POLN: variants seen among roughly 807,000 people sequenced by gnomAD.
POLN encodes the protein DNA polymerase N.
In POLN, 108 loss-of-function variants were observed where a neutral mutation model predicts 113.5. The ratio of observed to expected loss-of-function variants is 0.95; its 90% CI spans 0.81 to 1.12. The LOEUF is 1.12. Ranked by LOEUF, POLN falls within the 50% of genes most tolerant of loss-of-function variation. POLN has a pLI of 0.00. For missense variants in POLN, 1,097 were observed against 1,077.1 expected (o/e 1.02, Z -0.26); for synonymous variants, 386 against 391.5 (o/e 0.99, Z 0.17).
intron 16 of POLN, among the ~76,000 whole-genome samples, chr4:2,148,671 CCAA>C (rs1266248637): frequency 7.0e-6 from 1 of 141,850 alleles, no homozygotes; most frequent in African/African-American, 2.9e-5. Flanking sequence ...TGTCCCCCCC[CCAA>C]AAAAAAAAAG....
intron 7 of POLN, 95 bp from the exon 8 acceptor site, chr4:2,179,560 G>A: frequency 8.4e-7 from 1 of 1,194,186 alleles, no homozygotes; most frequent in Non-Finnish European, 1.2e-6. Context: ...AATAGTAGTA[G>A]TATTGTCATC....
intron 19 of POLN, among the ~76,000 whole-genome samples, chr4:2,096,161 C>G (rs1730785360): frequency 1.3e-5 from 2 of 152,232 alleles, no homozygotes; most frequent in African/African-American, 4.8e-5. Flanking sequence ...CAGCCAAGCA[C>G]CACCCCACGT....
At chr4:2,229,583 G>C (rs1027020198) in intron 2 of POLN, 3 of 159,284 alleles carry the variant, frequency 1.9e-5, no homozygotes, top group African/African-American at 7.2e-5. Context: ...CCTGCACTTT[G>C]GTAGACTGAG....
In POLN at chr4:2,128,208, C is replaced by T. The variant is rs772770337; in HGVS notation, c.1887G>A (p.Leu629=). 6.2e-7 allele frequency: 1 copy of T among 1,608,046 alleles called. No homozygotes were observed. The highest frequency in any genetic ancestry group is 1.1e-5 in the South Asian group (1 of 90,776). The change falls in exon 19 of 26, where the codon TTG becomes TTA. Residue 629 remains leucine (L), a synonymous_variant. Coordinates refer to ENST00000511885, the MANE Select transcript of POLN (RefSeq NM_181808.4). ...FLAADFSQIE[L]RILTHLSGDP... ...CTCCAGATAAATGTGTAAGAATGCGCAATTCAATCTGTGAAAAGTCTGTGA... is the reference window on the plus strand; with the variant it reads ...CTCCAGATAAATGTGTAAGAATGCGTAATTCAATCTGTGAAAAGTCTGTGA...
In POLN at chr4:2,081,110, G is replaced by A. The variant is rs761236703; in HGVS notation, c.2309-74C>T. 7 of 1,609,360 alleles carry A rather than the reference G, an allele frequency of 4.3e-6. No homozygotes were observed. In the Admixed American group the frequency reaches 6.7e-5, roughly 15 times the overall value. Reference sequence around the variant, plus strand: ...GGTGCACTCAGCATTCTGCACCATCGCCACAGCTCTCACGGTACCTCCACA... The same window carrying A: ...GGTGCACTCAGCATTCTGCACCATCACCACAGCTCTCACGGTACCTCCACA... On this transcript the variant is annotated intron_variant, in intron 22 of 25. Coordinates refer to ENST00000511885, the MANE Select transcript of POLN (RefSeq NM_181808.4).
intron 13 of POLN, among the ~76,000 whole-genome samples, chr4:2,160,252 T>A (rs578855): frequency 5.9e-5 from 9 of 151,972 alleles, no homozygotes; most frequent in African/African-American, 9.7e-5. Context: ...GTATATCTTC[T>A]TTCATTAAGC....
In POLN at chr4:2,075,517, A is replaced by G. The variant is rs1453482054; in HGVS notation, c.2390T>C (p.Leu797Pro). 1 of 1,613,238 alleles carries G rather than the reference A, an allele frequency of 6.2e-7. No homozygotes were observed. Among genetic ancestry groups the G allele is most frequent in the Admixed American group, 1.7e-5 (1 of 60,020 alleles). The change falls in exon 24 of 26, where the codon CTG becomes CCG. Residue 797 changes from leucine (L) to proline (P), a missense_variant and splice_region_variant. Physicochemically the swap from Leu to Pro is moderately conservative, Grantham distance 98. Transcript: ENST00000511885. ...CAGCTCATCATGGATCTGGGCCACC[A>G]GCCTGGCAGGGAGGGAAGGAGTCAC... is the stretch of plus-strand genomic sequence containing the variant. ...VAASHTLTAR[L>P]VAQIHDELLF...
intron 20 of POLN, among the ~76,000 whole-genome samples, chr4:2,088,417 A>G (rs1182258319): frequency 2.0e-5 from 3 of 152,224 alleles, no homozygotes; most frequent in Admixed American, 2.0e-4. Flanking sequence ...AAAACATAGA[A>G]AGTTGAATGC....
chr4:2,182,177 A>G (rs1733159878), intron 7 of POLN, among the ~76,000 whole-genome samples: 3 of 152,208 alleles, frequency 2.0e-5, no homozygotes, highest in Admixed American at 2.0e-4. Flanking sequence ...GGTGTTGGAT[A>G]CCAACAATGG....
At chr4:2,213,225 CTTA>C in intron 3 of POLN, 99 bp from the exon 4 acceptor site, 1 of 619,072 alleles carries the variant, frequency 1.6e-6, no homozygotes, top group South Asian at 2.7e-5. Context: ...TATAATCATG[CTTA>C]TTTATTCATT....
intron 2 of POLN, among the ~76,000 whole-genome samples, chr4:2,237,352 C>A (rs1195155719): frequency 6.7e-6 from 1 of 149,704 alleles, no homozygotes; most frequent in Non-Finnish European, 1.5e-5. Context: ...AGGAGGATCA[C>A]TTGAGCCCAG....
Position 2,242,051 on chromosome 4 carries a change from C to T in POLN, c.-284G>A. On this transcript the variant is annotated splice_region_variant and 5_prime_UTR_variant, in exon 1 of 26. Coordinates refer to ENST00000511885, the MANE Select transcript of POLN (RefSeq NM_181808.4). ...CAGAACCGAGGCCCGCGTCAGTCAC[C>T]TCAGGAAGTTCCGCTTGCTTCTCGC... is the stretch of plus-strand genomic sequence containing the variant. 1.0e-6 allele frequency: 1 copy of T among 985,762 alleles called. No individual in the cohort carries two copies. Among genetic ancestry groups the T allele is most frequent in the Non-Finnish European group, 1.2e-6 (1 of 830,150 alleles). 61.1% of individuals were successfully genotyped at this position (985,762 alleles called of 1,614,324 possible). A position where few individuals can be genotyped will look rare whatever the true frequency, so the allele number is the denominator to read the frequency against.
chr4:2,238,892 C>T, intron 2 of POLN: 1 of 1,613,164 alleles, frequency 6.2e-7, no homozygotes, highest in Non-Finnish European at 8.5e-7. Flanking sequence ...ATCAAAATCT[C>T]CCTTTACCAC....
At chr4:2,221,684 T>C (rs1382587823) in intron 3 of POLN, among the ~76,000 whole-genome samples, 5 of 152,206 alleles carry the variant, frequency 3.3e-5, no homozygotes, top group Admixed American at 3.3e-4. Context: ...CAAGGGATTC[T>C]CCTGCCTCAT....
chr4:2,092,393 G>A (rs1730688889), intron 20 of POLN, among the ~76,000 whole-genome samples: 1 of 152,242 alleles, frequency 6.6e-6, no homozygotes, highest in South Asian at 2.1e-4. Flanking sequence ...GGGCTCAGCA[G>A]CAGCTGTGCG....
At chr4:2,192,814 A>AAT (rs1042839251) in intron 7 of POLN, among the ~76,000 whole-genome samples, 28 of 149,846 alleles carry the variant, frequency 1.9e-4, no homozygotes, top group East Asian at 5.9e-4. Context: ...AAAAAATAAA[A>AAT]ATATATATAT....
At chr4:2,222,955 T>G (rs919414284) in intron 3 of POLN, among the ~76,000 whole-genome samples, 29 of 152,146 alleles carry the variant, frequency 1.9e-4, no homozygotes, top group African/African-American at 7.0e-4. Context: ...CAAAATCACA[T>G]GTCTACTTTC....
chr4:2,126,182 C>G lies in POLN; in HGVS notation c.1982+1931G>C, dbSNP rs950485573. ...AGTGCCTCTTCCTGTGCTGGGCAAA[C>G]ACTTCATTATTCTTTGCTTTTGTCA... On this transcript the variant is annotated intron_variant, in intron 19 of 25. Coordinates refer to ENST00000511885, the MANE Select transcript of POLN (RefSeq NM_181808.4). The surrounding 1 kb of genome is among the most constrained non-coding windows in gnomAD (Gnocchi z 4.6). Among the ~76,000 whole-genome samples, 1 of 152,194 alleles carries G rather than the reference C, an allele frequency of 6.6e-6. No individual in the cohort carries two copies. The highest frequency in any genetic ancestry group is 1.5e-5 in the Non-Finnish European group (1 of 68,040).
chr4:2,118,975 T>G (rs944562079), intron 19 of POLN, among the ~76,000 whole-genome samples: 1 of 152,220 alleles, frequency 6.6e-6, no homozygotes, highest in African/African-American at 2.4e-5. Context: ...TTTACTCATG[T>G]TCCATTGGCA....
Sources: allele counts gnomAD v4.1 joint callset (sites outside exome capture counted in the v4.1 genomes callset), GRCh38; gene constraint gnomAD v4.1.1; non-coding constraint Gnocchi (gnomAD v3.1); transcripts MANE v1.5; gene names NCBI Gene and HGNC (gene_info 2026-07-23, HGNC 2026-07-21).